The following TENT5A variants were observed in gnomAD, a reference collection of about 807,000 sequenced individuals.
TENT5A encodes terminal nucleotidyltransferase 5A.
In TENT5A, 9 loss-of-function variants were observed where a neutral mutation model predicts 30.2. The observed-to-expected ratio is 0.30, with a 90% CI of 0.18 to 0.52. The LOEUF is 0.52. Among genes scored for constraint, TENT5A ranks in the 20% least tolerant of loss-of-function variants. The pLI, the probability that TENT5A is intolerant of heterozygous loss-of-function variation, is 0.97. For synonymous variants in TENT5A, 264 were observed against 234.2 expected, an observed-to-expected ratio of 1.13 and a Z score of -1.16; for missense variants, 411 against 566.1, an observed-to-expected ratio of 0.73 and a Z score of 2.78.
chr6:81,751,860 C>T lies in TENT5A; in HGVS notation c.282G>A (p.Glu94=), dbSNP rs2127726879. ...CCTTCACGATCAGGCTCGGCTGCAG[C>T]TCGAGCGTGGGGAAGTTGCCGCGCC... The part of the protein sequence containing the change: ...IHGRGNFPTL[E]LQPSLIVKVV... Residue 94 remains glutamate, a synonymous_variant, in exon 2 of 3, where the codon GAG becomes GAA. Coordinates refer to ENST00000320172, the MANE Select transcript of TENT5A (RefSeq NM_017633.3). The T allele has an allele frequency of 2.5e-6, 4 of 1,613,150 alleles. No individual in the cohort carries two copies. Among genetic ancestry groups the T allele is most frequent in the Non-Finnish European group, 3.4e-6 (4 of 1,179,904 alleles).
intron 2 of TENT5A, among the ~76,000 whole-genome samples, chr6:81,751,107 T>TA (rs1473094123): frequency 6.6e-6 from 1 of 152,208 alleles, no homozygotes; most frequent in Non-Finnish European, 1.5e-5. Flanking sequence ...AACCACCAGA[T>TA]AGACCTTTAA....
At position 81,749,626 on chromosome 6, in the gene TENT5A, TTC is replaced by T. The variant is rs1768986291; in HGVS notation, c.*67_*68del. ...TAAGGGCTGGATCACTCTTTTTTTTTTCTTTTTTTTTTTTTTCTCTCCTGTCT... is the reference window on the plus strand; with the variant it reads ...TAAGGGCTGGATCACTCTTTTTTTTTTTTTTTTTTTTTTTCTCTCCTGTCT... On this transcript the variant is annotated 3_prime_UTR_variant, in exon 3 of 3. Coordinates refer to ENST00000320172, the MANE Select transcript of TENT5A (RefSeq NM_017633.3). The T allele has an allele frequency of 6.6e-7, 1 of 1,512,590 alleles. No individual in the cohort carries two copies. The highest frequency in any genetic ancestry group is 8.8e-7 in the Non-Finnish European group (1 of 1,136,488). The allele number at this position is 1,512,590 out of a possible 1,614,324, so 93.7% of individuals were successfully genotyped here.
Position 81,746,590 on chromosome 6 carries a change from C to A in TENT5A, c.*3105G>T. Reference sequence around the variant, plus strand: ...CTGGATTTACTGCAAATTAAGTAAACCTTTAAAAACGGCATTGTCACAGGC... The same window carrying A: ...CTGGATTTACTGCAAATTAAGTAAAACTTTAAAAACGGCATTGTCACAGGC... On this transcript the variant is annotated 3_prime_UTR_variant, in exon 3 of 3. Coordinates refer to ENST00000320172, the MANE Select transcript of TENT5A (RefSeq NM_017633.3). The A allele has an allele frequency of 1.6e-6, 2 of 1,232,022 alleles. No homozygotes were observed. Among genetic ancestry groups the A allele is most frequent in the Non-Finnish European group, 2.0e-6 (2 of 987,900 alleles). The allele number at this position is 1,232,022 out of a possible 1,614,324, so 76.3% of individuals were successfully genotyped here. A position where few individuals can be genotyped will look rare whatever the true frequency, so the allele number is the denominator to read the frequency against.
chr6:81,748,931 ATCTCT>A lies in TENT5A; in HGVS notation c.*759_*763del, dbSNP rs1280956886. ...AATCTCTCTTCATATAGTCTACTATATCTCTTCTAATTGGGTATTTTTATCTGTTA... is the reference window on the plus strand; with the variant it reads ...AATCTCTCTTCATATAGTCTACTATATCTAATTGGGTATTTTTATCTGTTA... On this transcript the variant is annotated 3_prime_UTR_variant, in exon 3 of 3. Coordinates refer to ENST00000320172, the MANE Select transcript of TENT5A (RefSeq NM_017633.3). 5 of 984,428 alleles carry A rather than the reference ATCTCT, an allele frequency of 5.1e-6. No homozygotes were observed. The highest frequency in any genetic ancestry group is 3.5e-5 in the African/African-American group (2 of 57,176). 61.0% of individuals were successfully genotyped at this position (984,428 alleles called of 1,614,324 possible).
Position 81,747,647 on chromosome 6 carries a change from G to A in TENT5A, c.*2048C>T. On this transcript the variant is annotated 3_prime_UTR_variant, in exon 3 of 3. Coordinates refer to ENST00000320172, the MANE Select transcript of TENT5A (RefSeq NM_017633.3). Reference sequence around the variant, plus strand: ...TTTCTCCCGTGGTCTCTCTTTAACTGATGATGAAAATCTTCTAATTGGGTC... The same window carrying A: ...TTTCTCCCGTGGTCTCTCTTTAACTAATGATGAAAATCTTCTAATTGGGTC... 1 of 985,668 alleles carries A rather than the reference G, an allele frequency of 1.0e-6. No individual in the cohort carries two copies. The highest frequency in any genetic ancestry group is 1.2e-6 in the Non-Finnish European group (1 of 829,824). 61.1% of individuals were successfully genotyped at this position (985,668 alleles called of 1,614,324 possible).
chr6:81,751,716 G>A lies in TENT5A; in HGVS notation c.426C>T (p.Leu142=). ...DSGLGYKDLD[L]IFCADLRGEG... is the part of the protein sequence containing the mutation. ...CCCCGCGCAGGTCGGCGCAGAAGAT[G>A]AGGTCCAGGTCCTTGTAGCCCAGGC... Residue 142 remains leucine (L), a synonymous_variant, in exon 2 of 3, where the codon CTC becomes CTT. Transcript: ENST00000320172. The A allele has an allele frequency of 6.2e-7, 1 of 1,614,086 alleles. No homozygotes were observed. Among genetic ancestry groups the A allele is most frequent in the Non-Finnish European group, 8.5e-7 (1 of 1,180,040 alleles).
chr6:81,747,031 A>G lies in TENT5A; in HGVS notation c.*2664T>C. The G allele has an allele frequency of 1.0e-6, 1 of 984,462 alleles. No individual in the cohort carries two copies. Among genetic ancestry groups the G allele is most frequent in the Non-Finnish European group, 1.2e-6 (1 of 828,950 alleles). The allele number at this position is 984,462 out of a possible 1,614,324, so 61.0% of individuals were successfully genotyped here. The stretch of plus-strand genomic sequence containing the variant: ...TGAAGTAAGCAAGAAAAGAATATAA[A>G]TATTTAAGAAAATAAATCAAAGTGT... On this transcript the variant is annotated 3_prime_UTR_variant, in exon 3 of 3. Transcript: ENST00000320172.
chr6:81,752,289 C>A, intron 1 of TENT5A, 111 bp from the exon 2 acceptor site: 1 of 1,516,616 alleles, frequency 6.6e-7, no homozygotes, highest in East Asian at 2.5e-5. Context: ...CCCGATAGTT[C>A]CCTGACCCCG....
Position 81,747,313 on chromosome 6 carries a change from C to T in TENT5A, c.*2382G>A, listed in dbSNP as rs1768906202. 1 of 985,726 alleles carries T rather than the reference C, an allele frequency of 1.0e-6. No homozygotes were observed. Among genetic ancestry groups the T allele is most frequent in the Admixed American group, 6.2e-5 (1 of 16,258 alleles). The allele number at this position is 985,726 out of a possible 1,614,324, so 61.1% of individuals were successfully genotyped here. A position where few individuals can be genotyped will look rare whatever the true frequency, so the allele number is the denominator to read the frequency against. On this transcript the variant is annotated 3_prime_UTR_variant, in exon 3 of 3. Coordinates refer to ENST00000320172, the MANE Select transcript of TENT5A (RefSeq NM_017633.3). ...GTGAGTGCCAGGCTTAATCTGCAAA[C>T]TGAACAATGTTTCCTGGGAAGTTGC...
chr6:81,747,858 T>C lies in TENT5A; in HGVS notation c.*1837A>G, dbSNP rs890454383. ...AGGGTGGTTTTAGGATTAGCTGTTA[T>C]TGAACTGAAATAGTAATGCCAGTTC... On this transcript the variant is annotated 3_prime_UTR_variant, in exon 3 of 3. Coordinates refer to ENST00000320172, the MANE Select transcript of TENT5A (RefSeq NM_017633.3). The C allele has an allele frequency of 1.4e-5, 14 of 985,726 alleles. No homozygotes were observed. The highest frequency in any genetic ancestry group is 1.6e-5 in the Non-Finnish European group (13 of 829,910). The allele number at this position is 985,726 out of a possible 1,614,324, so 61.1% of individuals were successfully genotyped here. A position where few individuals can be genotyped will look rare whatever the true frequency, so the allele number is the denominator to read the frequency against.
chr6:81,746,504 G>T lies in TENT5A; in HGVS notation c.*3191C>A, dbSNP rs1768887850. ...AGTCCATCCAATACCAAAGTGAGCA[G>T]ATACTTGATCCCATTTCTGGAAAGG... On this transcript the variant is annotated 3_prime_UTR_variant, in exon 3 of 3. Transcript: ENST00000320172. 1 of 1,231,996 alleles carries T rather than the reference G, an allele frequency of 8.1e-7. No homozygotes were observed. Among genetic ancestry groups the T allele is most frequent in the African/African-American group, 1.6e-5 (1 of 64,420 alleles). The allele number at this position is 1,231,996 out of a possible 1,614,324, so 76.3% of individuals were successfully genotyped here. A position where few individuals can be genotyped will look rare whatever the true frequency, so the allele number is the denominator to read the frequency against.
At position 81,749,954 on chromosome 6, in the gene TENT5A, G is replaced by A. The variant is rs1768997437; in HGVS notation, c.1070C>T (p.Thr357Ile). 1 of 1,614,138 alleles carries A rather than the reference G, an allele frequency of 6.2e-7. No individual in the cohort carries two copies. The highest frequency in any genetic ancestry group is 8.5e-7 in the Non-Finnish European group (1 of 1,180,022). The change falls in exon 3 of 3, where the codon ACC becomes ATC. Residue 357 changes from threonine (T) to isoleucine (I), a missense_variant. Physicochemically the swap from Thr to Ile is moderately conservative, Grantham distance 89. Transcript: ENST00000320172. ...LEDRKYEYLM[T>I]LHGVVNESTV... ...GCTCTCATTTACCACTCCATGAAGG[G>A]TCATGAGATACTCATACTTGCGGTC...
At position 81,745,919 on chromosome 6, in the gene TENT5A, C is replaced by A. The variant is rs1768873514; in HGVS notation, c.*3776G>T. ...TATTCCAAAAGAGTGACCCAAGGTG[C>A]AGCTTGCTGCAACAGAACACCTCAA... is the stretch of plus-strand genomic sequence containing the variant. On this transcript the variant is annotated 3_prime_UTR_variant, in exon 3 of 3. Coordinates refer to ENST00000320172, the MANE Select transcript of TENT5A (RefSeq NM_017633.3). 1 of 985,830 alleles carries A rather than the reference C, an allele frequency of 1.0e-6. No homozygotes were observed. Among genetic ancestry groups the A allele is most frequent in the South Asian group, 4.7e-5 (1 of 21,290 alleles). The allele number at this position is 985,830 out of a possible 1,614,324, so 61.1% of individuals were successfully genotyped here.
Position 81,751,841 on chromosome 6 carries a change from C to G in TENT5A, c.301G>C (p.Val101Leu). 1 of 1,613,034 alleles carries G rather than the reference C, an allele frequency of 6.2e-7. No homozygotes were observed. Among genetic ancestry groups the G allele is most frequent in the Non-Finnish European group, 8.5e-7 (1 of 1,179,882 alleles). ...GCCAGGCGCCGCCGCACCACCTTCA[C>G]GATCAGGCTCGGCTGCAGCTCGAGC... ...PTLELQPSLI[V>L]KVVRRRLAEK... The change falls in exon 2 of 3, where the codon GTG becomes CTG. Residue 101 changes from valine to leucine, a missense_variant. This residue lies in a region of TENT5A where 157 missense variants were observed against 183.2 expected (regional missense o/e 0.86). Transcript: ENST00000320172.
chr6:81,747,466 T>C lies in TENT5A; in HGVS notation c.*2229A>G. 3.0e-6 allele frequency: 3 copies of C among 985,848 alleles called. No individual in the cohort carries two copies. The highest frequency in any genetic ancestry group is 3.6e-6 in the Non-Finnish European group (3 of 829,936). 61.1% of individuals were successfully genotyped at this position (985,848 alleles called of 1,614,324 possible). A position where few individuals can be genotyped will look rare whatever the true frequency, so the allele number is the denominator to read the frequency against. On this transcript the variant is annotated 3_prime_UTR_variant, in exon 3 of 3. Transcript: ENST00000320172. ...GCTCTGACAGAATTCACAAGGAAGC[T>C]GCTACAGCAAACCCATCAGGTTCCC... is the stretch of plus-strand genomic sequence containing the variant.
rs1768873154 is a variant in TENT5A at position 81,745,904 on chromosome 6, G to C, written c.*3791C>G. The C allele has an allele frequency of 4.1e-6, 4 of 985,822 alleles. No homozygotes were observed. The highest frequency in any genetic ancestry group is 4.8e-6 in the Non-Finnish European group (4 of 829,948). 61.1% of individuals were successfully genotyped at this position (985,822 alleles called of 1,614,324 possible). A position where few individuals can be genotyped will look rare whatever the true frequency, so the allele number is the denominator to read the frequency against. On this transcript the variant is annotated 3_prime_UTR_variant, in exon 3 of 3. Coordinates refer to ENST00000320172, the MANE Select transcript of TENT5A (RefSeq NM_017633.3). ...AGCCTATAGTCAAAATATTCCAAAA[G>C]AGTGACCCAAGGTGCAGCTTGCTGC...
chr6:81,751,788 C>T lies in TENT5A; in HGVS notation c.354G>A (p.Val118=), dbSNP rs773862877. The T allele has an allele frequency of 1.2e-6, 2 of 1,613,014 alleles. No homozygotes were observed. The highest frequency in any genetic ancestry group is 1.1e-5 in the South Asian group (1 of 91,040). The part of the protein sequence containing the change: ...LAEKRIGVRD[V]RLNGSAASHV... ...GGCTGGCTGCCGAGCCGTTGAGGCG[C>T]ACGTCGCGGACGCCAATGCGCTTCT... Residue 118 remains valine (V), a synonymous_variant, in exon 2 of 3, where the codon GTG becomes GTA. Coordinates refer to ENST00000320172, the MANE Select transcript of TENT5A (RefSeq NM_017633.3).
In TENT5A at chr6:81,745,855, C is replaced by CA. The variant is rs1768872132; in HGVS notation, c.*3839dup. The stretch of plus-strand genomic sequence containing the variant: ...GTCAGTTTTTTAGTCCATTTTCCAT[C>CA]AACTCCTTTTCTGCCTGTGACGCAG... On this transcript the variant is annotated 3_prime_UTR_variant, in exon 3 of 3. Transcript: ENST00000320172. 2 of 985,792 alleles carry CA rather than the reference C, an allele frequency of 2.0e-6. No homozygotes were observed. 61.1% of individuals were successfully genotyped at this position (985,792 alleles called of 1,614,324 possible). A position where few individuals can be genotyped will look rare whatever the true frequency, so the allele number is the denominator to read the frequency against.
chr6:81,746,741 T>C lies in TENT5A; in HGVS notation c.*2954A>G. 4 of 1,222,552 alleles carry C rather than the reference T, an allele frequency of 3.3e-6. No homozygotes were observed. Among genetic ancestry groups the C allele is most frequent in the Non-Finnish European group, 4.1e-6 (4 of 982,470 alleles). The allele number at this position is 1,222,552 out of a possible 1,614,324, so 75.7% of individuals were successfully genotyped here. A position where few individuals can be genotyped will look rare whatever the true frequency, so the allele number is the denominator to read the frequency against. ...ACAAAAGGAAACAAATCACAGGCGC[T>C]AATAGGGAGTCGGGAGCTGTTCTTT... On this transcript the variant is annotated 3_prime_UTR_variant, in exon 3 of 3. Coordinates refer to ENST00000320172, the MANE Select transcript of TENT5A (RefSeq NM_017633.3).
Sources: gnomAD v4.1 joint callset for allele counts (sites outside exome capture counted in the v4.1 genomes callset) on GRCh38, gnomAD v4.1.1 for gene constraint, gnomAD v4.1.1 regional missense constraint, MANE v1.5 for transcripts, NCBI Gene and HGNC (gene_info 2026-07-23, HGNC 2026-07-21) for gene names.